KAZN: variants seen among roughly 807,000 people sequenced by gnomAD.
The protein encoded by KAZN is kazrin, periplakin interacting protein.
A neutral mutation model predicts 87.4 loss-of-function variants in KAZN; 40 were observed. The ratio of observed to expected loss-of-function variants is 0.46; its 90% CI spans 0.36 to 0.60. The LOEUF (loss-of-function observed/expected upper bound fraction) is 0.60, where lower values mean the gene tolerates loss of function less well. Ranked by LOEUF, KAZN falls within the 20% of genes least tolerant of loss-of-function variation. The pLI, the probability that KAZN is intolerant of heterozygous loss-of-function variation, is 0.00. For synonymous variants in KAZN, 466 were observed against 458.3 expected (o/e 1.02, Z -0.22); for missense variants, 898 against 1,073.9 (o/e 0.84, Z 2.29).
intron 1 of KAZN, among the ~76,000 whole-genome samples, chr1:14,035,029 C>T (rs941392676): frequency 2.0e-5 from 3 of 152,148 alleles, no homozygotes; most frequent in Non-Finnish European, 4.4e-5. Context: ...GACAAAAAGG[C>T]AGCATTCCTC....
intron 1 of KAZN, among the ~76,000 whole-genome samples, chr1:14,148,294 T>C (rs1156659810): frequency 1.3e-5 from 2 of 152,226 alleles, no homozygotes; most frequent in Non-Finnish European, 2.9e-5. Context: ...TCTCCTCTCA[T>C]CCCTGTTCTC....
At chr1:15,079,919 C>T (rs1277814332) in intron 8 of KAZN, among the ~76,000 whole-genome samples, 3 of 152,230 alleles carry the variant, frequency 2.0e-5, no homozygotes, top group Non-Finnish European at 2.9e-5. Flanking sequence ...TATGTAAAAG[C>T]ATAAAGTCAT....
chr1:14,919,034 A>G (rs2490570), intron 1 of KAZN, among the ~76,000 whole-genome samples: 41,488 of 151,882 alleles, frequency 0.27, 5,841 homozygotes, highest in Middle Eastern at 0.34. Context: ...ACACACACAC[A>G]AAACATACCC....
chr1:14,319,383 C>T (rs1356025617), intron 2 of KAZN, among the ~76,000 whole-genome samples: 3 of 151,996 alleles, frequency 2.0e-5, no homozygotes, highest in South Asian at 2.1e-4. Context: ...GTGAGTTCTG[C>T]GAACTTTCAG....
At chr1:14,171,314 A>G (rs1222112231) in intron 1 of KAZN, among the ~76,000 whole-genome samples, 1 of 152,074 alleles carries the variant, frequency 6.6e-6, no homozygotes, top group African/African-American at 2.4e-5. Context: ...CCTAAGAGTA[A>G]ATTCCTGGCT....
At chr1:14,105,547 C>T (rs188860876) in intron 1 of KAZN, among the ~76,000 whole-genome samples, 2 of 152,284 alleles carry the variant, frequency 1.3e-5, no homozygotes, top group East Asian at 1.9e-4. Context: ...CATCCCCTAA[C>T]CTATTAGTTT....
At chr1:13,914,840 G>T (rs560623779) in intron 1 of KAZN, among the ~76,000 whole-genome samples, 2 of 152,274 alleles carry the variant, frequency 1.3e-5, no homozygotes, top group East Asian at 3.9e-4. Context: ...TGAGACAGCT[G>T]CAAGGAAATA....
intron 1 of KAZN, among the ~76,000 whole-genome samples, chr1:14,683,051 G>C (rs1640764340): frequency 6.6e-6 from 1 of 152,160 alleles, no homozygotes; most frequent in African/African-American, 2.4e-5. Context: ...ATCTGACATA[G>C]TGCGAGTTCC....
chr1:14,807,504 C>T (rs995529183), intron 1 of KAZN, among the ~76,000 whole-genome samples: 3 of 152,130 alleles, frequency 2.0e-5, no homozygotes, highest in Non-Finnish European at 4.4e-5. Context: ...CATGGTGGCT[C>T]ACACCCGTAA....
chr1:15,038,675 T>C (rs375047628), intron 3 of KAZN, among the ~76,000 whole-genome samples: 2 of 152,210 alleles, frequency 1.3e-5, no homozygotes. Context: ...GTTTAAGGCA[T>C]GAACATGACA....
intron 1 of KAZN, among the ~76,000 whole-genome samples, chr1:14,622,181 A>G (rs1290138741): frequency 6.6e-6 from 1 of 152,200 alleles, no homozygotes; most frequent in Non-Finnish European, 1.5e-5. Flanking sequence ...CAGTGAACAT[A>G]TAGTAAATTG....
chr1:14,384,462 T>C (rs1265250511), intron 2 of KAZN, among the ~76,000 whole-genome samples: 1 of 152,180 alleles, frequency 6.6e-6, no homozygotes, highest in Non-Finnish European at 1.5e-5. Flanking sequence ...TTGTCATAGA[T>C]AGCTCTTACT....
intron 2 of KAZN, among the ~76,000 whole-genome samples, chr1:14,439,039 A>T (rs1666555205): frequency 6.6e-6 from 1 of 152,040 alleles, no homozygotes; most frequent in African/African-American, 2.4e-5. Flanking sequence ...CATCTTCTAA[A>T]CTCCAGGCTC....
intron 2 of KAZN, among the ~76,000 whole-genome samples, chr1:15,007,757 G>A (rs556316770): frequency 3.3e-5 from 5 of 152,334 alleles, no homozygotes; most frequent in Admixed American, 2.6e-4. Flanking sequence ...TGGGAACAGC[G>A]CACTCCTCAT....
intron 1 of KAZN, among the ~76,000 whole-genome samples, chr1:14,124,917 A>C (rs1002162569): frequency 2.0e-5 from 3 of 152,160 alleles, no homozygotes; most frequent in Admixed American, 6.5e-5. Flanking sequence ...AGAGAGGGAG[A>C]CACAGCAAAC....
At chr1:14,549,456 C>T (rs1214206781) in intron 2 of KAZN, among the ~76,000 whole-genome samples, 2 of 152,026 alleles carry the variant, frequency 1.3e-5, no homozygotes, top group Non-Finnish European at 2.9e-5. Flanking sequence ...AACTTCTGGG[C>T]CCCCCCTTAT....
At chr1:15,089,305 G>A (rs1246237870) in intron 8 of KAZN, among the ~76,000 whole-genome samples, 1 of 150,960 alleles carries the variant, frequency 6.6e-6, no homozygotes, top group African/African-American at 2.4e-5. Context: ...CCACCCACCT[G>A]GGCACAGAAC....
At chr1:14,921,328 G>C (rs746444538) in intron 1 of KAZN, among the ~76,000 whole-genome samples, 11 of 152,206 alleles carry the variant, frequency 7.2e-5, no homozygotes, top group Non-Finnish European at 1.3e-4. Context: ...AGAGGGACCA[G>C]TGACGGTAGC....
intron 1 of KAZN, among the ~76,000 whole-genome samples, chr1:14,646,579 T>G (rs528630834): frequency 6.6e-6 from 1 of 152,262 alleles, no homozygotes; most frequent in South Asian, 2.1e-4. Context: ...CATTTGCAGC[T>G]GGATGATTCT....
Sources: gnomAD v4.1 joint callset for allele counts (sites outside exome capture counted in the v4.1 genomes callset) on GRCh38, gnomAD v4.1.1 for gene constraint, MANE v1.5 for transcripts, NCBI Gene and HGNC (gene_info 2026-07-23, HGNC 2026-07-21) for gene names.